Variants in MAVS observed in about 807,000 individuals in gnomAD.
MAVS encodes mitochondrial antiviral signaling protein.
In MAVS, 20 loss-of-function variants were observed where a neutral mutation model predicts 30.2. The observed-to-expected ratio is 0.66, with a 90% CI of 0.47 to 0.96. The LOEUF (loss-of-function observed/expected upper bound fraction) is 0.96, where lower values mean the gene tolerates loss of function less well. Ranked by LOEUF, MAVS falls within the 40% of genes least tolerant of loss-of-function variation. The probability of loss-of-function intolerance (pLI) is 0.00; values close to 1 mark genes in which losing one functional copy is unlikely to be tolerated. For missense variants in MAVS, 624 were observed against 701.1 expected (o/e 0.89, Z 1.24); for synonymous variants, 278 against 293.9 (o/e 0.95, Z 0.55).
intron 5 of MAVS, 66 bp from the exon 6 acceptor site, chr20:3,864,190 C>T: frequency 6.6e-7 from 1 of 1,512,196 alleles, no homozygotes; most frequent in Non-Finnish European, 8.9e-7. Flanking sequence ...CCAGAGGGAC[C>T]CTTCTCCAGG....
At chr20:3,856,177 C>A (rs2146763266) in intron 2 of MAVS, among the ~76,000 whole-genome samples, 1 of 151,794 alleles carries the variant, frequency 6.6e-6, no homozygotes, top group East Asian at 1.9e-4. Context: ...GCCTCAGCCT[C>A]TTGAGTAGAT....
Position 3,874,416 on chromosome 20 carries a change from T to C in MAVS, c.*8269T>C, listed in dbSNP as rs2089976394. ...CCTAAACAAGAGCAGAGAGGCCATT[T>C]GGTCAAAGTTTGCAAAGGAGTCAGC... On this transcript the variant is annotated 3_prime_UTR_variant, in exon 7 of 7. Coordinates refer to ENST00000428216, the MANE Select transcript of MAVS (RefSeq NM_020746.5). 1 of 393,436 alleles carries C rather than the reference T, an allele frequency of 2.5e-6. No individual in the cohort carries two copies. Among genetic ancestry groups the C allele is most frequent in the Admixed American group, 4.4e-5 (1 of 22,538 alleles). 24.4% of individuals were successfully genotyped at this position (393,436 alleles called of 1,614,324 possible). A position where few individuals can be genotyped will look rare whatever the true frequency, so the allele number is the denominator to read the frequency against.
Position 3,863,375 on chromosome 20 carries a change from CAT to C in MAVS, c.626-880_626-879del, listed in dbSNP as rs575304881. ...AGTGCCCTGGGACAGCCACAAGACA[CAT>C]GAGCAGTTAGAGGCTGGGAGACGTC... On this transcript the variant is annotated intron_variant, in intron 5 of 6. Coordinates refer to ENST00000428216, the MANE Select transcript of MAVS (RefSeq NM_020746.5). 7.0e-4 allele frequency among the ~76,000 whole-genome samples: 107 copies of C among 152,302 alleles called. 2 individuals are homozygous for C. In the South Asian group the frequency reaches 0.021, roughly 30 times the overall value.
At chr20:3,860,500 G>T (rs55873637) in intron 3 of MAVS, among the ~76,000 whole-genome samples, 1 of 151,146 alleles carries the variant, frequency 6.6e-6, no homozygotes, top group Non-Finnish European at 1.5e-5. Context: ...TCAGCCTCTC[G>T]AGTAGCTGGG....
rs369661237 is a variant in MAVS at position 3,851,226 on chromosome 20, G to A, written c.-67-3332G>A. Among the ~76,000 whole-genome samples, 93 of 152,182 alleles carry A rather than the reference G, an allele frequency of 6.1e-4. 2 individuals carry two copies. The East Asian group carries it at 9.5e-3, about 16-fold the overall frequency. The stretch of plus-strand genomic sequence containing the variant: ...ACCCGTAATCCCAGCTACTCGGGAG[G>A]CTGAGGTAGGAGAATTGCTTAAACC... On this transcript the variant is annotated intron_variant, in intron 1 of 6. Coordinates refer to ENST00000428216, the MANE Select transcript of MAVS (RefSeq NM_020746.5).
chr20:3,855,513 T>C (rs2089802074), intron 2 of MAVS, among the ~76,000 whole-genome samples: 1 of 152,114 alleles, frequency 6.6e-6, no homozygotes, highest in African/African-American at 2.4e-5. Context: ...TGGCACTCAC[T>C]AGCTGGTGAA....
At chr20:3,862,564 A>G (rs1193577543) in intron 5 of MAVS, 151 bp downstream of exon 5, 1 of 808,656 alleles carries the variant, frequency 1.2e-6, no homozygotes. Flanking sequence ...TAGTGGGTGT[A>G]TCAGTTAGCA....
chr20:3,864,277 C>A lies in MAVS; in HGVS notation c.647C>A (p.Pro216Gln). ...HTAGATSSLT[P>Q]SRGPVSPSVS... is the part of the protein sequence containing the mutation. Reference sequence around the variant, plus strand: ...GCAGGTGCGACCTCCAGCCTCACACCATCCCGTGGGCCTGTGTCTCCATCT... The same window carrying A: ...GCAGGTGCGACCTCCAGCCTCACACAATCCCGTGGGCCTGTGTCTCCATCT... Residue 216 changes from proline to glutamine, a missense_variant, in exon 6 of 7, where the codon CCA becomes CAA. Transcript: ENST00000428216. 6.2e-7 allele frequency: 1 copy of A among 1,610,638 alleles called. No individual in the cohort carries two copies. Among genetic ancestry groups the A allele is most frequent in the Non-Finnish European group, 8.5e-7 (1 of 1,178,100 alleles).
chr20:3,864,463 C>A lies in MAVS; in HGVS notation c.833C>A (p.Ala278Asp). Residue 278 changes from alanine to aspartate, a missense_variant, in exon 6 of 7, where the codon GCC becomes GAC. Ala to Asp is a moderately radical substitution (Grantham distance 126, BLOSUM62 -2). Coordinates refer to ENST00000428216, the MANE Select transcript of MAVS (RefSeq NM_020746.5). Reference sequence around the variant, plus strand: ...AAACAGGGTGCAGAGAGTGACCAGGCCGAGCCTATCATCTGCTCCAGTGGG... The same window carrying A: ...AAACAGGGTGCAGAGAGTGACCAGGACGAGCCTATCATCTGCTCCAGTGGG... The part of the protein sequence containing the change: ...EGKQGAESDQ[A>D]EPIICSSGAE... 6.2e-7 allele frequency: 1 copy of A among 1,613,978 alleles called. No homozygotes were observed. The highest frequency in any genetic ancestry group is 1.1e-5 in the South Asian group (1 of 91,086).
Position 3,874,343 on chromosome 20 carries a change from G to A in MAVS, c.*8196G>A, listed in dbSNP as rs2146789187. On this transcript the variant is annotated 3_prime_UTR_variant, in exon 7 of 7. Transcript: ENST00000428216. ...TCTGGGTGTTGATTTCACGAGTATTGTCAGTTTGTTTCCAGACTCCCTGTT... is the reference window on the plus strand; with the variant it reads ...TCTGGGTGTTGATTTCACGAGTATTATCAGTTTGTTTCCAGACTCCCTGTT... The A allele has an allele frequency of 2.5e-6, 1 of 397,688 alleles. No homozygotes were observed. Among genetic ancestry groups the A allele is most frequent in the Non-Finnish European group, 4.4e-6 (1 of 225,902 alleles). The allele number at this position is 397,688 out of a possible 1,614,324, so 24.6% of individuals were successfully genotyped here. A position where few individuals can be genotyped will look rare whatever the true frequency, so the allele number is the denominator to read the frequency against.
At chr20:3,854,843 C>T in intron 2 of MAVS, 102 bp downstream of exon 2, 1 of 685,224 alleles carries the variant, frequency 1.5e-6, no homozygotes, top group Non-Finnish European at 2.5e-6. Flanking sequence ...GGGCTGGCTC[C>T]TTCCTTCTTC....
chr20:3,853,135 G>C (rs566123593), intron 1 of MAVS, among the ~76,000 whole-genome samples: 3 of 142,496 alleles, frequency 2.1e-5, no homozygotes, highest in Non-Finnish European at 4.6e-5. Context: ...CACCGCGCCC[G>C]GGTTCTGCAG....
rs1044251752 is a variant in MAVS at position 3,869,417 on chromosome 20, C to T, written c.*3270C>T. Reference sequence around the variant, plus strand: ...CTCGATCTCCTGACCTTGTGATCCGCCCGCCTCGGCCTCCCAAAGTGCTGG... The same window carrying T: ...CTCGATCTCCTGACCTTGTGATCCGTCCGCCTCGGCCTCCCAAAGTGCTGG... On this transcript the variant is annotated 3_prime_UTR_variant, in exon 7 of 7. Coordinates refer to ENST00000428216, the MANE Select transcript of MAVS (RefSeq NM_020746.5). The T allele has an allele frequency of 1.3e-5, 2 of 152,100 alleles. No individual in the cohort carries two copies. Among genetic ancestry groups the T allele is most frequent in the South Asian group, 2.1e-4 (1 of 4,822 alleles). The allele number at this position is 152,100 out of a possible 1,614,324, so 9.4% of individuals were successfully genotyped here.
At position 3,861,371 on chromosome 20, in the gene MAVS, C is replaced by G. The variant is rs771288502; in HGVS notation, c.332C>G (p.Ser111Ter). Residue 111 changes from serine (S) to a stop codon, truncating the protein, a stop_gained, in exon 4 of 7, where the codon TCA becomes TGA. Coordinates refer to ENST00000428216, the MANE Select transcript of MAVS (RefSeq NM_020746.5). LOFTEE classifies it high-confidence loss of function. ...CCCCCAGACCCACTGGAGCCACCGTCACTTCCTGCTGAGAGGCCAGGGCCC... is the reference window on the plus strand; with the variant it reads ...CCCCCAGACCCACTGGAGCCACCGTGACTTCCTGCTGAGAGGCCAGGGCCC... ...DRPPDPLEPPSLPAERPGPPT... is the reference protein window; with the variant it reads ...DRPPDPLEPP 1.9e-6 allele frequency: 3 copies of G among 1,614,098 alleles called. No individual in the cohort carries two copies. In the South Asian group the frequency reaches 3.3e-5, roughly 18 times the overall value.
chr20:3,865,800 T>A lies in MAVS; in HGVS notation c.1276T>A (p.Ser426Thr), dbSNP rs1489517592. 3 of 1,613,750 alleles carry A rather than the reference T, an allele frequency of 1.9e-6. No individual in the cohort carries two copies. The highest frequency in any genetic ancestry group is 1.7e-5 in the Admixed American group (1 of 60,012). Reference sequence around the variant, plus strand: ...GCTGAGTAAGCCTGGCGTGCTGGCATCCCAGGTAGACAGCCCGTTCTCGGG... The same window carrying A: ...GCTGAGTAAGCCTGGCGTGCTGGCAACCCAGGTAGACAGCCCGTTCTCGGG... ...SELSKPGVLA[S>T]QVDSPFSGCF... The change falls in exon 7 of 7, where the codon TCC becomes ACC. Residue 426 changes from serine (S) to threonine (T), a missense_variant. Physicochemically the swap from Ser to Thr is moderately conservative, Grantham distance 58 (BLOSUM62 1). Coordinates refer to ENST00000428216, the MANE Select transcript of MAVS (RefSeq NM_020746.5). This position sits in a 1 kb window ranked among gnomAD's most constrained non-coding sequence, Gnocchi z 4.7.
chr20:3,853,335 A>T (rs1012353083), intron 1 of MAVS, among the ~76,000 whole-genome samples: 1 of 151,012 alleles, frequency 6.6e-6, no homozygotes, highest in African/African-American at 2.4e-5. Context: ...AATACAAAAA[A>T]ATTAGCCGGG....
chr20:3,853,472 A>C (rs1296530074), intron 1 of MAVS, among the ~76,000 whole-genome samples: 64 of 147,418 alleles, frequency 4.3e-4, no homozygotes, highest in South Asian at 3.4e-3. Context: ...GGCGACAGAG[A>C]AAGACTCCGT....
At chr20:3,858,330 C>G (rs1245212795) in intron 3 of MAVS, among the ~76,000 whole-genome samples, 1 of 152,120 alleles carries the variant, frequency 6.6e-6, no homozygotes, top group African/African-American at 2.4e-5. Context: ...GTCCCTGCCA[C>G]TCTGAGTGCT....
rs764844501 is a variant in MAVS, at chr20:3,857,646, G to A, written c.129G>A (p.Arg43=). 4.3e-6 allele frequency: 7 copies of A among 1,611,784 alleles called. No individual in the cohort carries two copies. The Admixed American group carries it at 5.0e-5, about 12-fold the overall frequency. ...ATTGTGTCTTCCAGGATCGACTGCG[G>A]GCCACCTGCACACTCTCAGGGAACC... The part of the protein sequence containing the change: ...CLTARDQDRL[R]ATCTLSGNRD... The change falls in exon 3 of 7, where the codon CGG becomes CGA. Residue 43 remains arginine, a synonymous_variant. Transcript: ENST00000428216.
Sources: allele counts gnomAD v4.1 joint callset (sites outside exome capture counted in the v4.1 genomes callset), GRCh38; gene constraint gnomAD v4.1.1; non-coding constraint Gnocchi (gnomAD v3.1); transcripts MANE v1.5; gene names NCBI Gene and HGNC (gene_info 2026-07-23, HGNC 2026-07-21).